The following MIPOL1 variants were observed in gnomAD, a reference collection of about 807,000 sequenced individuals.
MIPOL1 encodes mirror-image polydactyly gene 1 protein.
In MIPOL1, 57 loss-of-function variants were observed where a neutral mutation model predicts 60.9. The ratio of observed to expected loss-of-function variants is 0.94; its 90% confidence interval spans 0.76 to 1.17. The LOEUF (loss-of-function observed/expected upper bound fraction) is 1.17, where lower values mean the gene tolerates loss of function less well. Among genes scored for constraint, MIPOL1 ranks in the 50% most tolerant of loss-of-function variants. MIPOL1 has a pLI of 0.00. For synonymous variants in MIPOL1, 179 were observed against 168.8 expected, an observed-to-expected ratio of 1.06 and a Z score of -0.47; for missense variants, 551 against 511.6, an observed-to-expected ratio of 1.08 and a Z score of -0.74.
At chr14:37,258,870 G>A (rs528386545) in intron 3 of MIPOL1, among the ~76,000 whole-genome samples, 4 of 151,704 alleles carry the variant, frequency 2.6e-5, no homozygotes, top group Admixed American at 2.6e-4. Flanking sequence ...AAAATTTGTG[G>A]CATCACCACT....
intron 1 of MIPOL1, among the ~76,000 whole-genome samples, chr14:37,233,051 C>A (rs577771456): frequency 8.5e-5 from 13 of 152,272 alleles, no homozygotes; most frequent in South Asian, 8.3e-4. Flanking sequence ...TAAATTGATG[C>A]CAGTCTTGAC....
intron 11 of MIPOL1, among the ~76,000 whole-genome samples, chr14:37,451,778 T>C (rs2094420018): frequency 6.6e-6 from 1 of 151,492 alleles, no homozygotes; most frequent in Non-Finnish European, 1.5e-5. Flanking sequence ...GAAATCATTG[T>C]GAGCCTTAAG....
At chr14:37,308,252 T>G in intron 8 of MIPOL1, 97 bp from the exon 9 acceptor site, 1 of 1,222,666 alleles carries the variant, frequency 8.2e-7, no homozygotes, top group South Asian at 1.7e-5. Flanking sequence ...CTTCACTCAG[T>G]CAATTTACAA....
intron 11 of MIPOL1, among the ~76,000 whole-genome samples, chr14:37,466,115 GA>G (rs2094595542): frequency 6.6e-6 from 1 of 152,152 alleles, no homozygotes; most frequent in South Asian, 2.1e-4. Context: ...TCTTGCAACA[GA>G]AATTTTATAA....
chr14:37,360,503 T>C (rs2092160750), intron 9 of MIPOL1, among the ~76,000 whole-genome samples: 1 of 152,238 alleles, frequency 6.6e-6, no homozygotes, highest in African/African-American at 2.4e-5. Flanking sequence ...GAGCCTGTTA[T>C]TGGTCTATTC....
intron 11 of MIPOL1, among the ~76,000 whole-genome samples, chr14:37,474,140 A>G (rs924807285): frequency 2.6e-5 from 4 of 152,316 alleles, no homozygotes; most frequent in African/African-American, 9.6e-5. Flanking sequence ...GTACAGACAC[A>G]TTATAGTTTG....
At chr14:37,441,567 T>G (rs1347668607) in intron 11 of MIPOL1, among the ~76,000 whole-genome samples, 1 of 152,138 alleles carries the variant, frequency 6.6e-6, no homozygotes, top group East Asian at 1.9e-4. Context: ...CTTTCTGGGT[T>G]TTCTATTCTG....
intron 11 of MIPOL1, among the ~76,000 whole-genome samples, chr14:37,427,215 A>C (rs1352261365): frequency 6.6e-6 from 1 of 152,250 alleles, no homozygotes; most frequent in East Asian, 1.9e-4. Context: ...AGAATGGAAC[A>C]TTATCCAGCT....
chr14:37,204,676 G>T (rs973095677), intron 1 of MIPOL1, among the ~76,000 whole-genome samples: 2 of 152,076 alleles, frequency 1.3e-5, no homozygotes, highest in African/African-American at 4.8e-5. Context: ...TCTTTCTTTT[G>T]TAAATTGCCT....
chr14:37,438,734 A>T (rs191380896), intron 11 of MIPOL1, among the ~76,000 whole-genome samples: 56 of 152,332 alleles, frequency 3.7e-4, no homozygotes, highest in African/African-American at 1.3e-3. Flanking sequence ...GTTCAACCAA[A>T]CTGCACAAAT....
chr14:37,439,635 C>G (rs2094212098), intron 11 of MIPOL1, among the ~76,000 whole-genome samples: 1 of 152,168 alleles, frequency 6.6e-6, no homozygotes, highest in African/African-American at 2.4e-5. Flanking sequence ...GTACGCATCA[C>G]TTGCCCCTGA....
At position 37,308,051 on chromosome 14, in the gene MIPOL1, T is replaced by G; in HGVS notation, c.624-5T>G. Reference sequence around the variant, plus strand: ...GATCAGGCTTTCTGTGTCCCTTTTTTCTAGGCTAGAAAATATTAACCCTGA... The same window carrying G: ...GATCAGGCTTTCTGTGTCCCTTTTTGCTAGGCTAGAAAATATTAACCCTGA... On this transcript the variant is annotated splice_region_variant and splice_polypyrimidine_tract_variant and intron_variant, in intron 7 of 12. Transcript: ENST00000684589. 1 of 1,609,960 alleles carries G rather than the reference T, an allele frequency of 6.2e-7. No individual in the cohort carries two copies. Among genetic ancestry groups the G allele is most frequent in the Non-Finnish European group, 8.5e-7 (1 of 1,177,754 alleles).
At chr14:37,389,428 CA>C (rs1212973203) in intron 10 of MIPOL1, among the ~76,000 whole-genome samples, 2 of 151,986 alleles carry the variant, frequency 1.3e-5, no homozygotes, top group Non-Finnish European at 1.5e-5. Context: ...TGCACCTAAT[CA>C]CATGATTGAT....
At chr14:37,348,458 A>G (rs2091100542) in intron 9 of MIPOL1, among the ~76,000 whole-genome samples, 2 of 152,276 alleles carry the variant, frequency 1.3e-5, no homozygotes, top group South Asian at 4.1e-4. Flanking sequence ...AATTCACCAT[A>G]TTAATGCAAC....
intron 1 of MIPOL1, among the ~76,000 whole-genome samples, chr14:37,215,752 C>T (rs1967547473): frequency 6.6e-6 from 1 of 152,080 alleles, no homozygotes; most frequent in Non-Finnish European, 1.5e-5. Context: ...CACACTTCAC[C>T]TATGAAGACA....
chr14:37,341,143 CATTGT>C (rs2090541742), intron 9 of MIPOL1, among the ~76,000 whole-genome samples: 1 of 152,116 alleles, frequency 6.6e-6, no homozygotes, highest in African/African-American at 2.4e-5. Flanking sequence ...AATGTATCTC[CATTGT>C]TAAGCAATGT....
At chr14:37,322,821 GTTGT>G (rs1277515827) in intron 9 of MIPOL1, among the ~76,000 whole-genome samples, 1 of 151,958 alleles carries the variant, frequency 6.6e-6, no homozygotes, top group Non-Finnish European at 1.5e-5. Context: ...TTTTGATGGG[GTTGT>G]TTGTTTTTTC....
chr14:37,238,964 A>AAT (rs1353777581), intron 1 of MIPOL1, among the ~76,000 whole-genome samples: 1 of 151,810 alleles, frequency 6.6e-6, no homozygotes, highest in African/African-American at 2.4e-5. Flanking sequence ...AAAAAAAAGT[A>AAT]ATATATATAT....
intron 1 of MIPOL1, among the ~76,000 whole-genome samples, chr14:37,232,305 G>A (rs117554227): frequency 0.03 from 4,587 of 152,176 alleles, 96 homozygotes; most frequent in Non-Finnish European, 0.047. Flanking sequence ...GGGTTTATAA[G>A]GAGTTTTGGT....
Sources: allele counts gnomAD v4.1 joint callset (sites outside exome capture counted in the v4.1 genomes callset), GRCh38; gene constraint gnomAD v4.1.1; transcripts MANE v1.5; gene names NCBI Gene and HGNC (gene_info 2026-07-23, HGNC 2026-07-21).